The following CHPF variants were observed in gnomAD, a reference collection of about 807,000 sequenced individuals.
CHPF encodes the protein chondroitin polymerizing factor.
CHPF carries 34 observed loss-of-function variants against 55.1 expected under a neutral mutation model. The ratio of observed to expected loss-of-function variants is 0.62; its 90% confidence interval spans 0.47 to 0.82. CHPF has a LOEUF of 0.82. CHPF is among the 40% of genes least tolerant of loss of function. The pLI, the probability that CHPF is intolerant of heterozygous loss-of-function variation, is 0.00. For synonymous variants in CHPF, 489 were observed against 496.6 expected (o/e 0.98, Z 0.20); for missense variants, 961 against 1,106.1 (o/e 0.87, Z 1.86).
intron 1 of CHPF, chr2:219,542,952 C>T (rs371752826): frequency 3.2e-6 from 4 of 1,264,442 alleles, no homozygotes; most frequent in East Asian, 6.5e-5. Context: ...GCAGCCCAGC[C>T]AGGGAGCTAG....
At chr2:219,542,266 C>G in intron 1 of CHPF, 77 bp from the exon 2 acceptor site, 2 of 998,246 alleles carry the variant, frequency 2.0e-6, no homozygotes, top group Admixed American at 6.3e-5. Flanking sequence ...AGCACAGACC[C>G]TGGCAGGTCA....
At position 219,541,886 on chromosome 2, in the gene CHPF, C is replaced by T; in HGVS notation, c.618G>A (p.Ala206=). Residue 206 remains alanine (A), a synonymous_variant, in exon 2 of 4, where the codon GCG becomes GCA. Transcript: ENST00000243776. ...FLVPDTTYTE[A]HGLARLTGHL... is the part of the protein sequence containing the mutation. The stretch of plus-strand genomic sequence containing the variant: ...GGCCAGTTAGGCGTGCCAGGCCGTG[C>T]GCCTCGGTGTAGGTGGTGTCAGGCA... The T allele has an allele frequency of 6.2e-7, 1 of 1,613,256 alleles. No homozygotes were observed. The highest frequency in any genetic ancestry group is 8.5e-7 in the Non-Finnish European group (1 of 1,179,776).
chr2:219,540,428 G>T lies in CHPF; in HGVS notation c.1283C>A (p.Thr428Lys). The T allele has an allele frequency of 6.2e-7, 1 of 1,613,518 alleles. No homozygotes were observed. The highest frequency in any genetic ancestry group is 1.1e-5 in the South Asian group (1 of 91,082). ...GCGGCGGTTCAGCTCCTCTAGAGCT[G>T]TCCCCAGAACATCGGCCACATCAGC... is the stretch of plus-strand genomic sequence containing the variant. Reference protein sequence around the residue: ...DRADVADVLGTALEELNRRYH... With the variant: ...DRADVADVLGKALEELNRRYH... The change falls in exon 4 of 4, where the codon ACA becomes AAA. Residue 428 changes from threonine to lysine, a missense_variant. Thr to Lys is a moderately conservative substitution (Grantham distance 78). Coordinates refer to ENST00000243776, the MANE Select transcript of CHPF (RefSeq NM_024536.6).
chr2:219,540,928 C>G lies in CHPF; in HGVS notation c.1068+18G>C, dbSNP rs1402212369. ...ATCCTGTCCCCGTCACTCTGCCACC[C>G]CCAGACCTAGACCATACCTGTAACT... On this transcript the variant is annotated intron_variant, in intron 3 of 3. Coordinates refer to ENST00000243776, the MANE Select transcript of CHPF (RefSeq NM_024536.6). 2 of 1,609,352 alleles carry G rather than the reference C, an allele frequency of 1.2e-6. No individual in the cohort carries two copies. Among genetic ancestry groups the G allele is most frequent in the Admixed American group, 1.7e-5 (1 of 58,422 alleles).
rs781193489 is a variant in CHPF, at chr2:219,543,310, C to G, written c.229G>C (p.Gly77Arg). The G allele has an allele frequency of 2.1e-5, 33 of 1,572,124 alleles. No homozygotes were observed. In the Middle Eastern group the frequency reaches 1.2e-3, roughly 56 times the overall value. The change falls in exon 1 of 4, where the codon GGC (glycine) becomes CGC (arginine). Residue 77 changes from glycine (G) to arginine (R), a missense_variant. Physicochemically the swap from Gly to Arg is moderately radical, Grantham distance 125. This residue lies in a region of CHPF where 936 missense variants were observed against 1,058.4 expected (regional missense o/e 0.88). Coordinates refer to ENST00000243776, the MANE Select transcript of CHPF (RefSeq NM_024536.6). ...TCCCAATTCTCCCCGGCGCCTTCGC[C>G]GGCCCCGGGCTTCTCGCGCTCCGCT... is the stretch of plus-strand genomic sequence containing the variant. ...PGAEREKPGA[G>R]EGAGENWEPR...
intron 1 of CHPF, 113 bp from the exon 2 acceptor site, chr2:219,542,302 C>T (rs1464739771): frequency 8.9e-6 from 7 of 787,130 alleles, no homozygotes; most frequent in African/African-American, 7.0e-5. Context: ...TGTTCTCTCA[C>T]CTATGAATAG....
Position 219,540,419 on chromosome 2 carries a change from T to C in CHPF, c.1292A>G (p.Glu431Gly), listed in dbSNP as rs772950229. The change falls in exon 4 of 4, where the codon GAG (glutamate) becomes GGG (glycine). Residue 431 changes from glutamate to glycine, a missense_variant. This residue lies in a region of CHPF where 936 missense variants were observed against 1,058.4 expected (regional missense o/e 0.88). Coordinates refer to ENST00000243776, the MANE Select transcript of CHPF (RefSeq NM_024536.6). ...CGGGTGGTAGCGGCGGTTCAGCTCC[T>C]CTAGAGCTGTCCCCAGAACATCGGC... ...DVADVLGTALEELNRRYHPAL... is the reference protein window; with the variant it reads ...DVADVLGTALGELNRRYHPAL... The C allele has an allele frequency of 7.0e-5, 113 of 1,613,092 alleles. 1 individual carries two copies. The South Asian group carries it at 7.9e-4, about 11-fold the overall frequency.
chr2:219,539,397 C>T lies in CHPF; in HGVS notation c.2314G>A (p.Gly772Ser), dbSNP rs775530730. ...ACAGGGTGGGGTCAGGTGCTGTTGC[C>T]CTGCTCCTGTTCAAAGAGTAGCATG... The part of the protein sequence containing the change: ...LAMLLFEQEQ[G>S]NST The change falls in exon 4 of 4, where the codon GGC becomes AGC. Residue 772 changes from glycine (G) to serine (S), a missense_variant. Physicochemically the swap from Gly to Ser is moderately conservative, Grantham distance 56. Transcript: ENST00000243776. 11 of 1,601,712 alleles carry T rather than the reference C, an allele frequency of 6.9e-6. No individual in the cohort carries two copies. The African/African-American group carries it at 8.0e-5, about 12-fold the overall frequency.
rs750918237 is a variant in CHPF, at chr2:219,539,353, C to T, written c.*30G>A. ...GGGGAGAAGTGGGGTGGGGTGTGGC[C>T]ATGCCACGGCCCACGGGGACAGGGT... On this transcript the variant is annotated 3_prime_UTR_variant, in exon 4 of 4. Coordinates refer to ENST00000243776, the MANE Select transcript of CHPF (RefSeq NM_024536.6). The T allele has an allele frequency of 1.7e-5, 26 of 1,560,276 alleles. No individual in the cohort carries two copies. The South Asian group carries it at 2.6e-4, about 16-fold the overall frequency.
rs1413498233 is a variant in CHPF at position 219,539,692 on chromosome 2, T to G, written c.2019A>C (p.Ala673=). The G allele has an allele frequency of 1.9e-6, 3 of 1,613,304 alleles. No homozygotes were observed. The East Asian group carries it at 6.7e-5, about 36-fold the overall frequency. Residue 673 remains alanine (A), a synonymous_variant, in exon 4 of 4, where the codon GCA becomes GCC. Coordinates refer to ENST00000243776, the MANE Select transcript of CHPF (RefSeq NM_024536.6). ...GRDTGRFDRQ[A]ASEACFYNSD... is the part of the protein sequence containing the mutation. ...AGTTGTAGAAGCAGGCCTCGCTGGC[T>G]GCCTGGCGATCAAAGCGGCCAGTGT... is the stretch of plus-strand genomic sequence containing the variant.
At chr2:219,542,338 G>T in intron 1 of CHPF, 149 bp from the exon 2 acceptor site, 1 of 649,104 alleles carries the variant, frequency 1.5e-6, no homozygotes, top group East Asian at 3.0e-5. Flanking sequence ...TCTCTCCCAG[G>T]GGTCATGAGG....
At chr2:219,541,151 G>A (rs1484620256) in intron 2 of CHPF, 26 bp from the exon 3 acceptor site, 15 of 1,555,768 alleles carry the variant, frequency 9.6e-6, no homozygotes, top group Non-Finnish European at 1.3e-5. Flanking sequence ...GAAGGGATCT[G>A]TGATGAGCTG....
At chr2:219,542,312 G>A in intron 1 of CHPF, 123 bp from the exon 2 acceptor site, 5 of 720,364 alleles carry the variant, frequency 6.9e-6, no homozygotes, top group Non-Finnish European at 1.1e-5. Context: ...CCTATGAATA[G>A]GTTAAAAATA....
rs115875860 is a variant in CHPF at position 219,543,719 on chromosome 2, T to C, written c.-181A>G. 1 of 442,234 alleles carries C rather than the reference T, an allele frequency of 2.3e-6. No individual in the cohort carries two copies. The allele number at this position is 442,234 out of a possible 1,614,324, so 27.4% of individuals were successfully genotyped here. A position where few individuals can be genotyped will look rare whatever the true frequency, so the allele number is the denominator to read the frequency against. ...CGAATCCCCGGAGCCGCGCCTCGATTCCCCTCCAGCAGCTGCTCTGGGCTG... is the reference window on the plus strand; with the variant it reads ...CGAATCCCCGGAGCCGCGCCTCGATCCCCCTCCAGCAGCTGCTCTGGGCTG... On this transcript the variant is annotated 5_prime_UTR_variant, in exon 1 of 4. Coordinates refer to ENST00000243776, the MANE Select transcript of CHPF (RefSeq NM_024536.6).
In CHPF at chr2:219,543,372, G is replaced by A. The variant is rs939035482; in HGVS notation, c.167C>T (p.Thr56Ile). Residue 56 changes from threonine (T) to isoleucine (I), a missense_variant, in exon 1 of 4, where the codon ACC becomes ATC. Physicochemically the swap from Thr to Ile is moderately conservative, Grantham distance 89. This residue lies in a region of CHPF where 936 missense variants were observed against 1,058.4 expected (regional missense o/e 0.88). Coordinates refer to ENST00000243776, the MANE Select transcript of CHPF (RefSeq NM_024536.6). ...CGAGTTGGGCCGGCGCGCCGCGTTGGTGTTGCCGCGCGGCGGCAGCTCAGA... is the reference window on the plus strand; with the variant it reads ...CGAGTTGGGCCGGCGCGCCGCGTTGATGTTGCCGCGCGGCGGCAGCTCAGA... ...GDSELPPRGN[T>I]NAARRPNSVQ... The A allele has an allele frequency of 6.4e-7, 1 of 1,561,168 alleles. No homozygotes were observed. The highest frequency in any genetic ancestry group is 8.6e-7 in the Non-Finnish European group (1 of 1,163,530).
chr2:219,540,887 C>T, intron 3 of CHPF, 59 bp downstream of exon 3: 2 of 1,586,056 alleles, frequency 1.3e-6, no homozygotes, highest in Non-Finnish European at 1.7e-6. Context: ...TCTCTGGGCT[C>T]TCTGTGACTT....
Position 219,539,453 on chromosome 2 carries a change from A to G in CHPF, c.2258T>C (p.Leu753Pro). The G allele has an allele frequency of 1.2e-6, 2 of 1,613,116 alleles. No individual in the cohort carries two copies. The highest frequency in any genetic ancestry group is 1.7e-6 in the Non-Finnish European group (2 of 1,179,474). Reference sequence around the variant, plus strand: ...CTGGGTTCGGGAGCCGAGGCCCTCAAGCACGCTCTGGAGGCAGCGGTGGTA... The same window carrying G: ...CTGGGTTCGGGAGCCGAGGCCCTCAGGCACGCTCTGGAGGCAGCGGTGGTA... The part of the protein sequence containing the change: ...DLYHRCLQSV[L>P]EGLGSRTQLA... The change falls in exon 4 of 4, where the codon CTT (leucine) becomes CCT (proline). Residue 753 changes from leucine to proline, a missense_variant. Physicochemically the swap from Leu to Pro is moderately conservative, Grantham distance 98. This residue lies in a region of CHPF where 936 missense variants were observed against 1,058.4 expected (regional missense o/e 0.88). Transcript: ENST00000243776.
intron 2 of CHPF, 73 bp downstream of exon 2, chr2:219,541,543 C>A (rs1695268695): frequency 7.9e-7 from 1 of 1,260,150 alleles, no homozygotes; most frequent in African/African-American, 1.5e-5. Flanking sequence ...ACCTGTATCT[C>A]CAACATCCCT....
Position 219,543,337 on chromosome 2 carries a change from C to T in CHPF, c.202G>A (p.Gly68Arg). 6.4e-7 allele frequency: 1 copy of T among 1,566,986 alleles called. No homozygotes were observed. The highest frequency in any genetic ancestry group is 1.8e-5 in the Admixed American group (1 of 56,382). The stretch of plus-strand genomic sequence containing the variant: ...GCCCCGGGCTTCTCGCGCTCCGCTC[C>T]GGGCTGCACCGAGTTGGGCCGGCGC... ...AARRPNSVQP[G>R]AEREKPGAGE... is the part of the protein sequence containing the mutation. The change falls in exon 1 of 4, where the codon GGA becomes AGA. Residue 68 changes from glycine to arginine, a missense_variant. Gly to Arg is a moderately radical substitution (Grantham distance 125). Around this residue, in one of 3 missense-constraint regions of CHPF, gnomAD observed 936 missense variants for 1,058.4 expected, o/e 0.88. Coordinates refer to ENST00000243776, the MANE Select transcript of CHPF (RefSeq NM_024536.6).
Sources: gnomAD v4.1 joint callset for allele counts on GRCh38, gnomAD v4.1.1 for gene constraint, gnomAD v4.1.1 regional missense constraint, MANE v1.5 for transcripts, NCBI Gene and HGNC (gene_info 2026-07-23, HGNC 2026-07-21) for gene names.